Variants in ANKRD11 observed in about 807,000 individuals in gnomAD.
ANKRD11 encodes the protein ankyrin repeat domain 11, also known as ankyrin repeat domain-containing protein 11.
Under a neutral mutation model 195.7 loss-of-function variants are expected in ANKRD11, and 17 were observed. The ratio of observed to expected loss-of-function variants is 0.09; its 90% CI spans 0.06 to 0.13. ANKRD11 has a LOEUF of 0.13. Ranked by LOEUF, ANKRD11 falls within the 10% of genes least tolerant of loss-of-function variation. The pLI is 1.00. For synonymous variants in ANKRD11, 1,953 were observed against 1,528.1 expected (o/e 1.28, Z -6.49); for missense variants, 3,735 against 3,566.1 (o/e 1.05, Z -1.21).
chr16:89,470,276 G>A (rs2057032458), intron 1 of ANKRD11, among the ~76,000 whole-genome samples: 1 of 152,084 alleles, frequency 6.6e-6, no homozygotes, highest in South Asian at 2.1e-4. Context: ...ACTTACTCAT[G>A]GTCATAGCTT....
intron 2 of ANKRD11, among the ~76,000 whole-genome samples, chr16:89,384,714 AC>A (rs1156557708): frequency 1.3e-5 from 2 of 151,964 alleles, no homozygotes; most frequent in Admixed American, 1.3e-4. Context: ...CCCTCCTTTT[AC>A]CTCAATCAGG....
In ANKRD11 at chr16:89,291,215, A is replaced by G; in HGVS notation, c.227-32T>C. 6.2e-7 allele frequency: 1 copy of G among 1,610,210 alleles called. No homozygotes were observed. The highest frequency in any genetic ancestry group is 8.5e-7 in the Non-Finnish European group (1 of 1,179,772). The stretch of plus-strand genomic sequence containing the variant: ...GGCGGGCGAGGGAGAGAGGGAGGAG[A>G]GATTTCATGCCATGGTGTCCTCCAA... On this transcript the variant is annotated intron_variant, in intron 4 of 12. Transcript: ENST00000301030. This position sits in a 1 kb window ranked among gnomAD's most constrained non-coding sequence, Gnocchi z 5.3.
At chr16:89,446,081 A>C (rs1171929997) in intron 1 of ANKRD11, among the ~76,000 whole-genome samples, 2 of 151,606 alleles carry the variant, frequency 1.3e-5, no homozygotes, top group Admixed American at 1.3e-4. Context: ...CTTCAGATGG[A>C]TCCACACTTA....
chr16:89,399,145 G>C (rs1039605088), intron 2 of ANKRD11, among the ~76,000 whole-genome samples: 4 of 152,204 alleles, frequency 2.6e-5, no homozygotes, highest in African/African-American at 9.6e-5. Context: ...GGAGCATGAT[G>C]ACACAGCACG....
At chr16:89,438,622 C>T (rs191358793) in intron 1 of ANKRD11, among the ~76,000 whole-genome samples, 8 of 152,102 alleles carry the variant, frequency 5.3e-5, no homozygotes, top group Admixed American at 1.3e-4. Flanking sequence ...TATGAGCCAC[C>T]GTGCCCATCC....
intron 2 of ANKRD11, among the ~76,000 whole-genome samples, chr16:89,336,790 C>T (rs1362805371): frequency 6.6e-6 from 1 of 152,108 alleles, no homozygotes; most frequent in Non-Finnish European, 1.5e-5. Flanking sequence ...GGTTTCAATA[C>T]AAGTGTAACA....
chr16:89,309,358 G>C (rs1310286623), intron 3 of ANKRD11, among the ~76,000 whole-genome samples: 2 of 152,196 alleles, frequency 1.3e-5, no homozygotes, highest in Non-Finnish European at 2.9e-5. Flanking sequence ...ACAGAAGTCA[G>C]GGCAGAGGTG....
In ANKRD11 at chr16:89,279,197, C is replaced by T; in HGVS notation, c.7345G>A (p.Glu2449Lys). 2 of 1,612,484 alleles carry T rather than the reference C, an allele frequency of 1.2e-6. No homozygotes were observed. Among genetic ancestry groups the T allele is most frequent in the South Asian group, 1.1e-5 (1 of 91,002 alleles). The stretch of plus-strand genomic sequence containing the variant: ...CAGCACAGGATCTTGCGCTTCTCCT[C>T]GATCTTCTTCCTGATCTGCAGGTAT... ...FEYLQIRKKI[E>K]EKRKILCCIT... The change falls in exon 9 of 13, where the codon GAG becomes AAG. Residue 2449 changes from glutamate to lysine, a missense_variant. Coordinates refer to ENST00000301030, the MANE Select transcript of ANKRD11 (RefSeq NM_013275.6). The surrounding 1 kb of genome is among the most constrained non-coding windows in gnomAD (Gnocchi z 5.6).
rs540885312 is a variant in ANKRD11, at chr16:89,320,925, A to T, written c.-59-3847T>A. Among the ~76,000 whole-genome samples, 3 of 152,348 alleles carry T rather than the reference A, an allele frequency of 2.0e-5. No individual in the cohort carries two copies. The South Asian group carries it at 6.2e-4, about 32-fold the overall frequency. ...ACAATCCTTCTACGGGGCTGGCAGG[A>T]CAGACGTGACAGGAACAACGATGGC... On this transcript the variant is annotated intron_variant, in intron 2 of 12. Coordinates refer to ENST00000301030, the MANE Select transcript of ANKRD11 (RefSeq NM_013275.6).
intron 10 of ANKRD11, 28 bp downstream of exon 10, chr16:89,275,065 G>A (rs757570717): frequency 7.4e-6 from 12 of 1,611,780 alleles, no homozygotes; most frequent in South Asian, 4.4e-5. Flanking sequence ...TGGCCGTGGC[G>A]CCCCCCTGCC....
At chr16:89,472,540 G>C (rs1346168234) in intron 1 of ANKRD11, among the ~76,000 whole-genome samples, 3 of 152,200 alleles carry the variant, frequency 2.0e-5, no homozygotes, top group Admixed American at 1.3e-4. Flanking sequence ...ATTTATTTGA[G>C]ATGAGCTCTT....
In ANKRD11 at chr16:89,283,951, T is replaced by C. The variant is rs1266892773; in HGVS notation, c.2591A>G (p.Asp864Gly). ...AGAGTCGCTCTTCATGTCCCTGTAG[T>C]CTGTCACTGGCGAGTCCCAGCTGTC... The part of the protein sequence containing the change: ...GEDSWDSPVT[D>G]YRDMKSDSVA... The change falls in exon 9 of 13, where the codon GAC becomes GGC. Residue 864 changes from aspartate to glycine, a missense_variant. Coordinates refer to ENST00000301030, the MANE Select transcript of ANKRD11 (RefSeq NM_013275.6). This position sits in a 1 kb window ranked among gnomAD's most constrained non-coding sequence, Gnocchi z 4.3. The C allele has an allele frequency of 1.2e-6, 2 of 1,614,186 alleles. No individual in the cohort carries two copies. Among genetic ancestry groups the C allele is most frequent in the Admixed American group, 1.7e-5 (1 of 60,028 alleles).
chr16:89,380,215 C>A (rs1209009491), intron 2 of ANKRD11, among the ~76,000 whole-genome samples: 1 of 152,146 alleles, frequency 6.6e-6, no homozygotes, highest in Non-Finnish European at 1.5e-5. Flanking sequence ...CAGGTTCAAG[C>A]AATTCTCCTG....
chr16:89,401,896 C>G (rs981909034), intron 2 of ANKRD11, among the ~76,000 whole-genome samples: 7 of 151,850 alleles, frequency 4.6e-5, no homozygotes, highest in South Asian at 2.1e-4. Context: ...ACACCAGAGA[C>G]TCCCCCATCC....
At chr16:89,296,083 G>T (rs1359758454) in intron 4 of ANKRD11, among the ~76,000 whole-genome samples, 1 of 135,702 alleles carries the variant, frequency 7.4e-6, no homozygotes, top group Non-Finnish European at 1.5e-5. Flanking sequence ...CCACCTCCCA[G>T]GCTCAAGCGA....
At chr16:89,441,536 G>GGCGGGCGGAT (rs1273361326) in intron 1 of ANKRD11, among the ~76,000 whole-genome samples, 2 of 152,056 alleles carry the variant, frequency 1.3e-5, no homozygotes, top group Non-Finnish European at 2.9e-5. Flanking sequence ...GGGAGGCCAA[G>GGCGGGCGGAT]GCGGGCGGAT....
chr16:89,314,982 C>T (rs575674170), intron 3 of ANKRD11, among the ~76,000 whole-genome samples: 1 of 152,208 alleles, frequency 6.6e-6, no homozygotes, highest in East Asian at 1.9e-4. Flanking sequence ...CTAGAGCACA[C>T]CCCAGGTGCA....
chr16:89,399,938 A>G (rs1414826407), intron 2 of ANKRD11, among the ~76,000 whole-genome samples: 2 of 152,156 alleles, frequency 1.3e-5, no homozygotes, highest in African/African-American at 4.8e-5. Flanking sequence ...GAAGCAGAGT[A>G]AGCCGAGTGA....
At chr16:89,378,826 T>TA (rs2040528130) in intron 2 of ANKRD11, among the ~76,000 whole-genome samples, 1 of 150,772 alleles carries the variant, frequency 6.6e-6, no homozygotes, top group African/African-American at 2.4e-5. Flanking sequence ...CGCTGTGGTT[T>TA]AAAACTCTTT....
Sources: allele counts gnomAD v4.1 joint callset (sites outside exome capture counted in the v4.1 genomes callset), GRCh38; gene constraint gnomAD v4.1.1; non-coding constraint Gnocchi (gnomAD v3.1); transcripts MANE v1.5; gene names NCBI Gene and HGNC (gene_info 2026-07-23, HGNC 2026-07-21).